Variants in CSMD3 observed in about 807,000 individuals in gnomAD.
CSMD3 encodes the protein CUB and sushi domain-containing protein 3.
CSMD3 carries 177 observed loss-of-function variants against 435.2 expected under a neutral mutation model. The ratio of observed to expected loss-of-function variants is 0.41; its 90% CI spans 0.36 to 0.46. The LOEUF is 0.46. Among genes scored for constraint, CSMD3 ranks in the 20% least tolerant of loss-of-function variants. The pLI is 0.34. For synonymous variants in CSMD3, 1,656 were observed against 1,520.5 expected, an observed-to-expected ratio of 1.09 and a Z score of -2.07; for missense variants, 4,265 against 4,504.6, an observed-to-expected ratio of 0.95 and a Z score of 1.52.
At chr8:112,754,469 T>C (rs1467340295) in intron 13 of CSMD3, among the ~76,000 whole-genome samples, 1 of 151,726 alleles carries the variant, frequency 6.6e-6, no homozygotes, top group Non-Finnish European at 1.5e-5. Flanking sequence ...ATTTCAAGTG[T>C]TTTTTAGGAA....
intron 23 of CSMD3, 70 bp downstream of exon 23, chr8:112,586,996 A>AT: frequency 1.9e-6 from 2 of 1,032,668 alleles, no homozygotes; most frequent in Admixed American, 1.8e-5. Flanking sequence ...ATAGATGTAT[A>AT]TATTTATCTA....
At chr8:112,525,359 T>C (rs1443773097) in intron 27 of CSMD3, among the ~76,000 whole-genome samples, 1 of 149,816 alleles carries the variant, frequency 6.7e-6, no homozygotes, top group Non-Finnish European at 1.5e-5. Context: ...ATATGATTTA[T>C]ATTAAATATA....
intron 10 of CSMD3, among the ~76,000 whole-genome samples, chr8:112,913,161 G>T (rs187714759): frequency 2.0e-4 from 30 of 152,048 alleles, no homozygotes; most frequent in Admixed American, 1.8e-3. Context: ...TAGAGCAGTG[G>T]TCCCCAACCT....
chr8:113,153,130 A>G (rs199586920), intron 4 of CSMD3, among the ~76,000 whole-genome samples: 1,202 of 82,656 alleles, frequency 0.015, 33 homozygotes, highest in East Asian at 0.04. Flanking sequence ...AGAAAGAGAA[A>G]GAAGGAAGGA....
intron 16 of CSMD3, among the ~76,000 whole-genome samples, chr8:112,678,883 C>T (rs753112215): frequency 2.6e-5 from 4 of 151,840 alleles, no homozygotes; most frequent in East Asian, 3.9e-4. Flanking sequence ...AGGATGTTAA[C>T]GTTTGTTAAC....
intron 13 of CSMD3, among the ~76,000 whole-genome samples, chr8:112,764,178 C>T (rs1415100221): frequency 6.6e-6 from 1 of 151,318 alleles, no homozygotes; most frequent in African/African-American, 2.4e-5. Context: ...TTTAGAAATA[C>T]ATCCATGGCT....
At chr8:113,126,914 A>T (rs1007013471) in intron 4 of CSMD3, among the ~76,000 whole-genome samples, 3 of 150,720 alleles carry the variant, frequency 2.0e-5, no homozygotes, top group African/African-American at 7.3e-5. Flanking sequence ...CTCCTAGATA[A>T]TTCCTTCCCC....
At chr8:112,645,299 T>C (rs1418310836) in intron 19 of CSMD3, 74 bp from the exon 20 acceptor site, 5 of 848,074 alleles carry the variant, frequency 5.9e-6, no homozygotes, top group Non-Finnish European at 1.0e-5. Flanking sequence ...CTATCTCCTC[T>C]CTTGAATTGA....
intron 6 of CSMD3, among the ~76,000 whole-genome samples, chr8:112,983,513 A>G (rs997871440): frequency 6.6e-6 from 1 of 150,826 alleles, no homozygotes; most frequent in Non-Finnish European, 1.5e-5. Context: ...GCCCAAAAAA[A>G]TTATTCTCTC....
chr8:112,564,369 C>A (rs868224459), intron 24 of CSMD3, among the ~76,000 whole-genome samples: 1 of 150,848 alleles, frequency 6.6e-6, no homozygotes, highest in African/African-American at 2.4e-5. Context: ...CTCCCTTCTC[C>A]CTTCCCCTCC....
intron 13 of CSMD3, among the ~76,000 whole-genome samples, chr8:112,773,232 G>T (rs553952861): frequency 6.6e-6 from 1 of 152,026 alleles, no homozygotes; most frequent in African/African-American, 2.4e-5. Context: ...ACATGGAAGA[G>T]AAATAAATAA....
intron 22 of CSMD3, among the ~76,000 whole-genome samples, chr8:112,630,483 G>T (rs1016728402): frequency 3.3e-5 from 5 of 152,068 alleles, no homozygotes; most frequent in Non-Finnish European, 5.9e-5. Flanking sequence ...TGTATAAAGG[G>T]TATGTGAAGT....
chr8:112,331,656 T>A (rs764530996), intron 45 of CSMD3, among the ~76,000 whole-genome samples: 3 of 151,934 alleles, frequency 2.0e-5, no homozygotes, highest in African/African-American at 7.2e-5. Flanking sequence ...CACAAAAATA[T>A]TGAACTGTCA....
At position 112,638,783 on chromosome 8, in the gene CSMD3, C is replaced by A. The variant is rs1031508086; in HGVS notation, c.3439G>T (p.Ala1147Ser). Residue 1147 changes from alanine (A) to serine (S), a missense_variant, in exon 21 of 71, where the codon GCT (alanine) becomes TCT (serine). Physicochemically the swap from Ala to Ser is moderately conservative, Grantham distance 99. This residue lies in a region of CSMD3 where 3,255 missense variants were observed against 3,380.2 expected (regional missense o/e 0.96). Transcript: ENST00000297405. ...TGSDLPPTIN[A>S]GLYGNFRAQL... ...GCCCTGAAATTTCCATAGAGACCAG[C>A]ATTGATTGTTGGAGGAAGATCTGAA... is the stretch of plus-strand genomic sequence containing the variant. 8 of 1,612,544 alleles carry A rather than the reference C, an allele frequency of 5.0e-6. No homozygotes were observed. In the African/African-American group the frequency reaches 8.0e-5, roughly 16 times the overall value.
chr8:112,392,866 T>TC (rs1187813493), intron 35 of CSMD3, among the ~76,000 whole-genome samples: 5 of 124,664 alleles, frequency 4.0e-5, no homozygotes, highest in African/African-American at 2.4e-4. Flanking sequence ...TTTTTTTTCT[T>TC]TTTTTTTTTT....
chr8:113,414,652 A>C (rs1383726883), intron 1 of CSMD3, among the ~76,000 whole-genome samples: 1 of 47,282 alleles, frequency 2.1e-5, no homozygotes, highest in Non-Finnish European at 4.3e-5. Context: ...GCCCAAATAC[A>C]AAAAAAAAAA....
intron 14 of CSMD3, among the ~76,000 whole-genome samples, chr8:112,689,227 T>G (rs944037181): frequency 6.6e-6 from 1 of 152,034 alleles, no homozygotes; most frequent in Non-Finnish European, 1.5e-5. Flanking sequence ...TCTAAAAATA[T>G]CCACTTCATT....
At chr8:112,397,978 A>G (rs1034329015) in intron 35 of CSMD3, among the ~76,000 whole-genome samples, 3 of 152,206 alleles carry the variant, frequency 2.0e-5, no homozygotes, top group Non-Finnish European at 2.9e-5. Context: ...TTAAGATATG[A>G]TTCATCCTGA....
chr8:113,046,989 C>T (rs1021170773), intron 5 of CSMD3, among the ~76,000 whole-genome samples: 1 of 152,100 alleles, frequency 6.6e-6, no homozygotes, highest in South Asian at 2.1e-4. Context: ...AGAGATGAGG[C>T]GACTATCTAA....
Sources: gnomAD v4.1 joint callset for allele counts (sites outside exome capture counted in the v4.1 genomes callset) on GRCh38, gnomAD v4.1.1 for gene constraint, gnomAD v4.1.1 regional missense constraint, MANE v1.5 for transcripts, NCBI Gene and HGNC (gene_info 2026-07-23, HGNC 2026-07-21) for gene names.